SLC5A12: variants seen among roughly 807,000 people sequenced by gnomAD.
The protein encoded by SLC5A12 is sodium-coupled monocarboxylate transporter 2.
Under a neutral mutation model 72.7 loss-of-function variants are expected in SLC5A12, and 46 were observed. The observed-to-expected ratio is 0.63, with a 90% CI of 0.50 to 0.81. The LOEUF is 0.81. SLC5A12 is among the 30% of genes least tolerant of loss of function. The pLI, the probability that SLC5A12 is intolerant of heterozygous loss-of-function variation, is 0.00. For synonymous variants in SLC5A12, 275 were observed against 264.4 expected, an observed-to-expected ratio of 1.04 and a Z score of -0.39; for missense variants, 683 against 740.7, an observed-to-expected ratio of 0.92 and a Z score of 0.90.
chr11:26,675,968 T>G (rs926251288), intron 13 of SLC5A12, among the ~76,000 whole-genome samples: 1 of 121,082 alleles, frequency 8.3e-6, no homozygotes, highest in Non-Finnish European at 1.9e-5. Flanking sequence ...TGTGCATGTA[T>G]CTGTGTGTGT....
upstream of SLC5A12, chr11:26,723,387 G>A (rs1192168633): frequency 6.6e-6 from 1 of 152,572 alleles, no homozygotes; most frequent in Non-Finnish European, 1.5e-5. Flanking sequence ...GATTTGATAT[G>A]ATAAATGTTA....
chr11:26,720,311 A>G (rs1490438741), intron 1 of SLC5A12, among the ~76,000 whole-genome samples: 4 of 129,248 alleles, frequency 3.1e-5, no homozygotes, highest in African/African-American at 1.1e-4. Flanking sequence ...GAAACATAGC[A>G]AAAGCCCCAT....
chr11:26,674,946 A>G (rs1223137913), intron 13 of SLC5A12, among the ~76,000 whole-genome samples: 1 of 152,206 alleles, frequency 6.6e-6, no homozygotes, highest in Non-Finnish European at 1.5e-5. Flanking sequence ...CTTTTCTAGA[A>G]GCTAATAAAT....
Position 26,698,461 on chromosome 11 carries a change from G to C in SLC5A12, c.896C>G (p.Ser299Cys). The C allele has an allele frequency of 6.2e-7, 1 of 1,614,042 alleles. No homozygotes were observed. The highest frequency in any genetic ancestry group is 8.5e-7 in the Non-Finnish European group (1 of 1,179,972). The part of the protein sequence containing the change: ...CAVFSGLIMY[S>C]HFKDCDPWTS... ...CCAAGGGTCACAGTCTTTAAAGTGA[G>C]AGTACATGATTAAGCCAGAGAAGAC... The change falls in exon 7 of 15, where the codon TCT (serine) becomes TGT (cysteine). Residue 299 changes from serine to cysteine, a missense_variant. Ser to Cys is a moderately radical substitution (Grantham distance 112). Coordinates refer to ENST00000396005, the MANE Select transcript of SLC5A12 (RefSeq NM_178498.4).
chr11:26,705,060 C>G (rs1428029357), intron 4 of SLC5A12, among the ~76,000 whole-genome samples: 3 of 150,902 alleles, frequency 2.0e-5, no homozygotes, highest in Non-Finnish European at 4.4e-5. Flanking sequence ...AAACCCAGCT[C>G]CCCTTTAGAG....
At chr11:26,722,217 T>C (rs866221401), upstream of SLC5A12, among the ~76,000 whole-genome samples, 5 of 152,292 alleles carry the variant, frequency 3.3e-5, no homozygotes, top group Middle Eastern at 3.4e-3. Context: ...CTCAGCAGTG[T>C]CTTCCTCTTG....
chr11:26,710,718 C>A (rs1590737750), intron 3 of SLC5A12, among the ~76,000 whole-genome samples: 1 of 151,990 alleles, frequency 6.6e-6, no homozygotes, highest in Non-Finnish European at 1.5e-5. Flanking sequence ...ATAAAAAGGA[C>A]TTTCTTGGCA....
rs1855300860 is a variant in SLC5A12 at position 26,714,379 on chromosome 11, C to T, written c.340-1673G>A. ...GGATCTTACAGATTAGACGAAGTGA[C>T]CATTAACAAATATTTATACTAATGG... On this transcript the variant is annotated intron_variant, in intron 1 of 14. Coordinates refer to ENST00000396005, the MANE Select transcript of SLC5A12 (RefSeq NM_178498.4). Among the ~76,000 whole-genome samples the T allele has an allele frequency of 2.0e-5, 3 of 152,100 alleles. No homozygotes were observed. In the South Asian group the frequency reaches 6.2e-4, roughly 32 times the overall value.
intron 6 of SLC5A12, among the ~76,000 whole-genome samples, chr11:26,702,919 C>A (rs933207067): frequency 3.3e-5 from 5 of 152,126 alleles, no homozygotes; most frequent in African/African-American, 1.2e-4. Context: ...TTAGAGATAT[C>A]TAACTAAGAA....
At chr11:26,695,745 G>A (rs576718866) in intron 8 of SLC5A12, among the ~76,000 whole-genome samples, 26 of 152,156 alleles carry the variant, frequency 1.7e-4, no homozygotes, top group Non-Finnish European at 2.9e-4. Context: ...CCTTGGTTTC[G>A]AACCTTCTAA....
chr11:26,722,450 C>T (rs1010213114), upstream of SLC5A12, among the ~76,000 whole-genome samples: 4 of 152,152 alleles, frequency 2.6e-5, no homozygotes, highest in Non-Finnish European at 5.9e-5. Flanking sequence ...TCTTAAACTT[C>T]CTGACTCTCT....
chr11:26,716,130 G>A (rs1003130153), intron 1 of SLC5A12: 2 of 152,120 alleles, frequency 1.3e-5, no homozygotes, highest in Non-Finnish European at 2.9e-5. Context: ...AAGGGGCAAC[G>A]AATCCTGAAA....
At chr11:26,696,745 T>G (rs1488637456) in intron 8 of SLC5A12, among the ~76,000 whole-genome samples, 1 of 152,146 alleles carries the variant, frequency 6.6e-6, no homozygotes, top group African/African-American at 2.4e-5. Flanking sequence ...TTGACTGAAA[T>G]GTCATGTGGC....
chr11:26,684,370 C>T (rs781003132), intron 10 of SLC5A12, among the ~76,000 whole-genome samples: 22 of 152,170 alleles, frequency 1.4e-4, no homozygotes, highest in Admixed American at 4.6e-4. Flanking sequence ...CCTCTGCTGA[C>T]GATAGCATTA....
At chr11:26,671,604 T>C (rs1478829163) in intron 14 of SLC5A12, among the ~76,000 whole-genome samples, 1 of 152,064 alleles carries the variant, frequency 6.6e-6, no homozygotes, top group Non-Finnish European at 1.5e-5. Context: ...GCCCCCTTCC[T>C]ACCTGGGAAT....
intron 13 of SLC5A12, among the ~76,000 whole-genome samples, chr11:26,676,928 G>A (rs539190018): frequency 5.3e-5 from 8 of 152,068 alleles, no homozygotes; most frequent in African/African-American, 1.4e-4. Flanking sequence ...GACCAAACAA[G>A]ACCAAGATAA....
chr11:26,671,066 T>TGTG lies in SLC5A12; in HGVS notation c.*35_*36insCAC. The TGTG allele has an allele frequency of 1.2e-5, 19 of 1,561,490 alleles. No individual in the cohort carries two copies. Among genetic ancestry groups the TGTG allele is most frequent in the Non-Finnish European group, 1.7e-5 (19 of 1,144,500 alleles). On this transcript the variant is annotated 3_prime_UTR_variant, in exon 15 of 15. Transcript: ENST00000396005. ...TGGAGTTTGTGTGTGTGTGTGTGTA[T>TGTG]TGCACGTGTGTGTGTGCATTCATAC...
rs891358832 is a variant in SLC5A12 at position 26,677,831 on chromosome 11, G to T, written c.1579+881C>A. On this transcript the variant is annotated intron_variant, in intron 13 of 14. Coordinates refer to ENST00000396005, the MANE Select transcript of SLC5A12 (RefSeq NM_178498.4). ...GTGTTGAGTCAGAATGTTGGCCATTGTTCATTGGTATATAATAGTCATGGA... is the reference window on the plus strand; with the variant it reads ...GTGTTGAGTCAGAATGTTGGCCATTTTTCATTGGTATATAATAGTCATGGA... Among the ~76,000 whole-genome samples, 64 of 152,072 alleles carry T rather than the reference G, an allele frequency of 4.2e-4. 1 individual carries two copies. Among genetic ancestry groups the T allele is most frequent in the Non-Finnish European group, 7.4e-5 (5 of 68,006 alleles).
At chr11:26,677,005 T>G (rs1202617505) in intron 13 of SLC5A12, among the ~76,000 whole-genome samples, 1 of 152,160 alleles carries the variant, frequency 6.6e-6, no homozygotes, top group Non-Finnish European at 1.5e-5. Flanking sequence ...TATTCTACAT[T>G]TAAACATTGT....
Sources: allele counts gnomAD v4.1 joint callset (sites outside exome capture counted in the v4.1 genomes callset), GRCh38; gene constraint gnomAD v4.1.1; transcripts MANE v1.5; gene names NCBI Gene and HGNC (gene_info 2026-07-23, HGNC 2026-07-21).